Variants in RABGAP1L observed in about 807,000 individuals in gnomAD.
RABGAP1L encodes the protein rab GTPase-activating protein 1-like.
RABGAP1L carries 63 observed loss-of-function variants against 137.7 expected under a neutral mutation model. That is an observed-to-expected ratio of 0.46 (90% CI 0.37 to 0.56). The LOEUF is 0.56. RABGAP1L is among the 20% of genes least tolerant of loss of function. The pLI is 0.00. For synonymous variants in RABGAP1L, 431 were observed against 433.7 expected (o/e 0.99, Z 0.08); for missense variants, 1,095 against 1,244.0 (o/e 0.88, Z 1.80).
chr1:174,250,652 T>G lies in RABGAP1L; in HGVS notation c.875+20T>G, dbSNP rs1198972016. ...CTTTAGGTGAGGCATTTGGAAAGAT[T>G]AAAAATTCGCATTGTATCTGGAGTA... is the stretch of plus-strand genomic sequence containing the variant. On this transcript the variant is annotated intron_variant, in intron 6 of 25. Transcript: ENST00000681986. 6.2e-7 allele frequency: 1 copy of G among 1,605,992 alleles called. No homozygotes were observed.
intron 13 of RABGAP1L, among the ~76,000 whole-genome samples, chr1:174,560,821 G>A (rs1231210443): frequency 1.3e-5 from 2 of 152,046 alleles, no homozygotes; most frequent in Admixed American, 6.6e-5. Flanking sequence ...GTGGTATTTG[G>A]TTTTCTGTTC....
chr1:174,861,630 T>A (rs1174731332), intron 19 of RABGAP1L, among the ~76,000 whole-genome samples: 2 of 152,196 alleles, frequency 1.3e-5, no homozygotes, highest in African/African-American at 4.8e-5. Context: ...TCTCTTTTTT[T>A]TTAAATAATG....
intron 13 of RABGAP1L, among the ~76,000 whole-genome samples, chr1:174,552,884 T>A (rs2147992015): frequency 6.6e-6 from 1 of 152,324 alleles, no homozygotes; most frequent in Non-Finnish European, 1.5e-5. Flanking sequence ...CTCACCAGCA[T>A]CTGTTATTTT....
intron 13 of RABGAP1L, among the ~76,000 whole-genome samples, chr1:174,560,427 C>T (rs1045515030): frequency 3.9e-5 from 6 of 152,218 alleles, no homozygotes; most frequent in East Asian, 1.9e-4. Flanking sequence ...AAGAATATTG[C>T]GACTGGTGGG....
chr1:174,605,277 C>G (rs1025218953), intron 13 of RABGAP1L, among the ~76,000 whole-genome samples: 1 of 152,172 alleles, frequency 6.6e-6, no homozygotes, highest in Non-Finnish European at 1.5e-5. Context: ...CTTTCCTAGG[C>G]ATTTTTCTGC....
chr1:174,552,907 T>C (rs566448127), intron 13 of RABGAP1L, among the ~76,000 whole-genome samples: 3 of 152,340 alleles, frequency 2.0e-5, no homozygotes, highest in Admixed American at 6.5e-5. Context: ...GACTTTTTAA[T>C]AACAGCCATT....
rs185727366 is a variant in RABGAP1L, at chr1:174,525,603, T to A, written c.1711-111772T>A. On this transcript the variant is annotated intron_variant, in intron 13 of 25. Coordinates refer to ENST00000681986, the MANE Select transcript of RABGAP1L (RefSeq NM_001366446.1). Reference sequence around the variant, plus strand: ...ATCTGCAGAGAGGGACAATTTGACTTCCTCACTTCCAATTTGTATGTCTTT... The same window carrying A: ...ATCTGCAGAGAGGGACAATTTGACTACCTCACTTCCAATTTGTATGTCTTT... Among the ~76,000 whole-genome samples the A allele has an allele frequency of 1.2e-3, 177 of 152,290 alleles. 1 individual carries two copies. The highest frequency in any genetic ancestry group is 4.2e-3 in the African/African-American group (173 of 41,568).
intron 17 of RABGAP1L, among the ~76,000 whole-genome samples, chr1:174,747,332 G>T (rs1354613350): frequency 2.0e-5 from 3 of 149,674 alleles, no homozygotes; most frequent in African/African-American, 7.4e-5. Flanking sequence ...AGCCTGGGAG[G>T]TTGAGGCTGC....
chr1:174,564,724 G>A (rs1253643426), intron 13 of RABGAP1L, among the ~76,000 whole-genome samples: 6 of 152,148 alleles, frequency 3.9e-5, no homozygotes, highest in Admixed American at 3.3e-4. Flanking sequence ...CATTTTCCTG[G>A]CTTAGAGATG....
intron 1 of RABGAP1L, among the ~76,000 whole-genome samples, chr1:174,181,361 G>A (rs1178059763): frequency 1.5e-4 from 22 of 144,876 alleles, no homozygotes; most frequent in Admixed American, 1.3e-3. Context: ...TTTTTGAGAC[G>A]GAGTCTTGCT....
At chr1:174,817,255 G>A (rs1242143471) in intron 19 of RABGAP1L, among the ~76,000 whole-genome samples, 1 of 152,134 alleles carries the variant, frequency 6.6e-6, no homozygotes, top group Admixed American at 6.5e-5. Context: ...GGCAAAATCT[G>A]ACATTAACCT....
chr1:174,384,485 A>G (rs1289685820), intron 12 of RABGAP1L, among the ~76,000 whole-genome samples: 1 of 151,252 alleles, frequency 6.6e-6, no homozygotes, highest in Non-Finnish European at 1.5e-5. Context: ...GTAGGTGCTG[A>G]AGCAAGAATA....
At chr1:174,415,510 C>A (rs1424837703) in intron 13 of RABGAP1L, among the ~76,000 whole-genome samples, 1 of 151,970 alleles carries the variant, frequency 6.6e-6, no homozygotes, top group Admixed American at 6.6e-5. Context: ...AGAAGCTGAT[C>A]TCTGACATGT....
At chr1:174,492,119 A>G (rs1012209122) in intron 13 of RABGAP1L, among the ~76,000 whole-genome samples, 3 of 151,720 alleles carry the variant, frequency 2.0e-5, no homozygotes, top group Admixed American at 1.3e-4. Flanking sequence ...CCTCTTGGGA[A>G]GACAATCAGT....
rs1048050006 is a variant in RABGAP1L at position 174,933,462 on chromosome 1, C to T, written c.2341-23995C>T. On this transcript the variant is annotated intron_variant, in intron 19 of 25. Transcript: ENST00000681986. ...AGCACATGAAAAACTGCACTGTTTT[C>T]GTGGGTTTGGATACCAAAGAAAATT... Among the ~76,000 whole-genome samples, 5 of 152,004 alleles carry T rather than the reference C, an allele frequency of 3.3e-5. No individual in the cohort carries two copies. The East Asian group carries it at 7.7e-4, about 23-fold the overall frequency.
In RABGAP1L at chr1:174,902,658, G is replaced by A. The variant is rs751775650; in HGVS notation, c.2341-54799G>A. ...ATGAGGGGACTCTCCTGATAGGTGA[G>A]TTGCAAAGATCTGTGGGAGAAGTGT... On this transcript the variant is annotated intron_variant, in intron 19 of 25. Transcript: ENST00000681986. Among the ~76,000 whole-genome samples, 25 of 152,350 alleles carry A rather than the reference G, an allele frequency of 1.6e-4. 1 individual carries two copies. Among genetic ancestry groups the A allele is most frequent in the Middle Eastern group, 3.4e-3 (1 of 294 alleles).
chr1:174,870,740 C>CTT (rs796488016), intron 19 of RABGAP1L, among the ~76,000 whole-genome samples: 65 of 141,644 alleles, frequency 4.6e-4, no homozygotes, highest in Middle Eastern at 7.2e-3. Flanking sequence ...ATTATAACTT[C>CTT]TTTTTTTTTT....
At chr1:174,544,440 G>T (rs920702382) in intron 13 of RABGAP1L, among the ~76,000 whole-genome samples, 5 of 152,112 alleles carry the variant, frequency 3.3e-5, no homozygotes, top group Non-Finnish European at 5.9e-5. Flanking sequence ...ATGGTTTTCA[G>T]CTCCATCAGG....
intron 13 of RABGAP1L, among the ~76,000 whole-genome samples, chr1:174,568,528 G>A (rs1299974907): frequency 1.3e-5 from 2 of 152,122 alleles, no homozygotes; most frequent in African/African-American, 2.4e-5. Context: ...ATCATTGTTA[G>A]CATTATCCAC....
Sources: allele counts gnomAD v4.1 joint callset (sites outside exome capture counted in the v4.1 genomes callset), GRCh38; gene constraint gnomAD v4.1.1; transcripts MANE v1.5; gene names NCBI Gene and HGNC (gene_info 2026-07-23, HGNC 2026-07-21).